The following ACOX2 variants were observed in gnomAD, a reference collection of about 807,000 sequenced individuals.
ACOX2 encodes acyl-CoA oxidase 2.
In ACOX2, 59 loss-of-function variants were observed where a neutral mutation model predicts 77.5. The observed-to-expected ratio is 0.76, with a 90% CI of 0.62 to 0.95. The LOEUF is 0.95. ACOX2 is among the 40% of genes least tolerant of loss of function. ACOX2 has a pLI of 0.00. For synonymous variants in ACOX2, 317 were observed against 340.1 expected (o/e 0.93, Z 0.75); for missense variants, 837 against 880.4 (o/e 0.95, Z 0.62).
chr3:58,524,915 A>G lies in ACOX2; in HGVS notation c.1347-310T>C, dbSNP rs1460708627. On this transcript the variant is annotated intron_variant, in intron 10 of 14. Coordinates refer to ENST00000302819, the MANE Select transcript of ACOX2 (RefSeq NM_003500.4). This position sits in a 1 kb window ranked among gnomAD's most constrained non-coding sequence, Gnocchi z 5.5. The stretch of plus-strand genomic sequence containing the variant: ...AGAACACTGTGATTTTGGGATTTAT[A>G]ATGACTTGTACAGTGACTGGGTGGA... Among the ~76,000 whole-genome samples the G allele has an allele frequency of 6.6e-6, 1 of 152,236 alleles. No homozygotes were observed. The highest frequency in any genetic ancestry group is 2.4e-5 in the African/African-American group (1 of 41,466).
chr3:58,511,117 A>T (rs886679786), intron 13 of ACOX2: 3 of 454,016 alleles, frequency 6.6e-6, no homozygotes, highest in Non-Finnish European at 1.3e-5. Flanking sequence ...TATACATACA[A>T]TGCTTTCTCT....
Position 58,528,989 on chromosome 3 carries a change from C to G in ACOX2, c.993-33G>C. 6.4e-7 allele frequency: 1 copy of G among 1,564,964 alleles called. No individual in the cohort carries two copies. On this transcript the variant is annotated intron_variant, in intron 8 of 14. Transcript: ENST00000302819. This position sits in a 1 kb window ranked among gnomAD's most constrained non-coding sequence, Gnocchi z 5.6. The stretch of plus-strand genomic sequence containing the variant: ...GAAAAGAACCAGAAGATTTAGATCA[C>G]TACCTGTTGTGTCCACCTTCCCCTA...
At chr3:58,510,278 C>G in intron 13 of ACOX2, among the ~76,000 whole-genome samples, 1 of 152,072 alleles carries the variant, frequency 6.6e-6, no homozygotes, top group East Asian at 1.9e-4. Flanking sequence ...CCCCTGCCCC[C>G]TTGTGGTCTC....
intron 14 of ACOX2, among the ~76,000 whole-genome samples, chr3:58,507,680 A>G (rs962529557): frequency 2.0e-5 from 3 of 152,226 alleles, no homozygotes; most frequent in Non-Finnish European, 4.4e-5. Flanking sequence ...GAAATGTTAG[A>G]TCTAATCATT....
chr3:58,516,680 A>C (rs2063323706), intron 13 of ACOX2, among the ~76,000 whole-genome samples: 1 of 152,124 alleles, frequency 6.6e-6, no homozygotes, highest in African/African-American at 2.4e-5. Flanking sequence ...TCTACTAAAA[A>C]TACAAAAATT....
intron 13 of ACOX2, among the ~76,000 whole-genome samples, chr3:58,516,581 T>C (rs145341010): frequency 6.6e-6 from 1 of 152,364 alleles, no homozygotes; most frequent in Non-Finnish European, 1.5e-5. Flanking sequence ...TTCACACCTG[T>C]AATCCCAGCA....
At position 58,530,512 on chromosome 3, in the gene ACOX2, C is replaced by T. The variant is rs112279882; in HGVS notation, c.946G>A (p.Ala316Thr). The T allele has an allele frequency of 1.8e-4, 287 of 1,614,212 alleles. No homozygotes were observed. In the African/African-American group the frequency reaches 3.3e-3, roughly 18 times the overall value. The change falls in exon 8 of 15, where the codon GCC becomes ACC. Residue 316 changes from alanine to threonine, a missense_variant. Physicochemically the swap from Ala to Thr is moderately conservative, Grantham distance 58. Transcript: ENST00000302819. ...CGGCGGATGACCGAGTAGCGCATGG[C>T]GATGACACAGGCCTTCTGCAGTATA... is the stretch of plus-strand genomic sequence containing the variant. ...LPILQKACVIAMRYSVIRRQS... is the reference protein window; with the variant it reads ...LPILQKACVITMRYSVIRRQS...
rs923067797 is a variant in ACOX2 at position 58,523,745 on chromosome 3, A to C, written c.1526+681T>G. On this transcript the variant is annotated intron_variant, in intron 11 of 14. Transcript: ENST00000302819. This position sits in a 1 kb window ranked among gnomAD's most constrained non-coding sequence, Gnocchi z 5.3. Reference sequence around the variant, plus strand: ...ATTACTGGTGTCAGCCACCATGCCCAGCCTGTTTTCGGTGTTTTAATTTGG... The same window carrying C: ...ATTACTGGTGTCAGCCACCATGCCCCGCCTGTTTTCGGTGTTTTAATTTGG... 2.0e-5 allele frequency among the ~76,000 whole-genome samples: 3 copies of C among 151,962 alleles called. No individual in the cohort carries two copies. Among genetic ancestry groups the C allele is most frequent in the Admixed American group, 2.0e-4 (3 of 15,258 alleles).
Position 58,525,486 on chromosome 3 carries a change from G to C in ACOX2, c.1347-881C>G, listed in dbSNP as rs1293447821. 6.6e-6 allele frequency among the ~76,000 whole-genome samples: 1 copy of C among 152,184 alleles called. No individual in the cohort carries two copies. Among genetic ancestry groups the C allele is most frequent in the African/African-American group, 2.4e-5 (1 of 41,450 alleles). On this transcript the variant is annotated intron_variant, in intron 10 of 14. Coordinates refer to ENST00000302819, the MANE Select transcript of ACOX2 (RefSeq NM_003500.4). The surrounding 1 kb of genome is among the most constrained non-coding windows in gnomAD (Gnocchi z 5.0). ...TGTGGAGGAAGCTGACTTGGCCATTGCTTGGAGCCTCTGTGTGCAGGCTCT... is the reference window on the plus strand; with the variant it reads ...TGTGGAGGAAGCTGACTTGGCCATTCCTTGGAGCCTCTGTGTGCAGGCTCT...
rs142555166 is a variant in ACOX2, at chr3:58,534,130, G to A, written c.339C>T (p.Asp113=). 5.2e-4 allele frequency: 841 copies of A among 1,614,166 alleles called. 1 individual carries two copies. Among genetic ancestry groups the A allele is most frequent in the Admixed American group, 9.2e-4 (55 of 60,026 alleles). ...AGACTCTGTGTATATTTAAGGCCAC[G>A]TCTCCAGAAAGGGCTCTGTTGGGGA... is the stretch of plus-strand genomic sequence containing the variant. The part of the protein sequence containing the change: ...LGYAYRALSG[D]VALNIHRVFV... The change falls in exon 4 of 15, where the codon GAC becomes GAT. Residue 113 remains aspartate (D), a synonymous_variant. Transcript: ENST00000302819. The surrounding 1 kb of genome is among the most constrained non-coding windows in gnomAD (Gnocchi z 4.8).
chr3:58,526,500 C>A lies in ACOX2; in HGVS notation c.1312G>T (p.Gly438Cys). Residue 438 changes from glycine (G) to cysteine (C), a missense_variant, in exon 10 of 15, where the codon GGT becomes TGT. By Grantham distance (159) the Gly-to-Cys change is radical. Transcript: ENST00000302819. The surrounding 1 kb of genome is among the most constrained non-coding windows in gnomAD (Gnocchi z 4.3). ...TGCAGGTAGAGCACTGTGTTCTCAC[C>A]CTCGTAGGTACAGGAGGCCGACAAT... ...TKLSASCTYE[G>C]ENTVLYLQVA... 6.2e-7 allele frequency: 1 copy of A among 1,614,056 alleles called. No individual in the cohort carries two copies. Among genetic ancestry groups the A allele is most frequent in the Non-Finnish European group, 8.5e-7 (1 of 1,179,962 alleles).
At position 58,508,933 on chromosome 3, in the gene ACOX2, C is replaced by T. The variant is rs1236577423; in HGVS notation, c.1943G>A (p.Arg648His). Residue 648 changes from arginine to histidine, a missense_variant, in exon 14 of 15, where the codon CGC becomes CAC. Coordinates refer to ENST00000302819, the MANE Select transcript of ACOX2 (RefSeq NM_003500.4). ...TGACTTCTGAGCCCACTGGAACAGGCGTTCGTAGACGTTTCCATCATAACA... is the reference window on the plus strand; with the variant it reads ...TGACTTCTGAGCCCACTGGAACAGGTGTTCGTAGACGTTTCCATCATAACA... ...LGCYDGNVYE[R>H]LFQWAQKSPT... 78 of 1,614,164 alleles carry T rather than the reference C, an allele frequency of 4.8e-5. No homozygotes were observed. The highest frequency in any genetic ancestry group is 8.0e-5 in the African/African-American group (6 of 75,052).
In ACOX2 at chr3:58,517,227, A is replaced by T; in HGVS notation, c.1829T>A (p.Leu610Gln). The T allele has an allele frequency of 6.2e-7, 1 of 1,614,022 alleles. No individual in the cohort carries two copies. The highest frequency in any genetic ancestry group is 1.1e-5 in the South Asian group (1 of 91,058). The change falls in exon 13 of 15, where the codon CTG becomes CAG. Residue 610 changes from leucine to glutamine, a missense_variant. Physicochemically the swap from Leu to Gln is moderately radical, Grantham distance 113 (BLOSUM62 -2). Transcript: ENST00000302819. ...TCACCGGATCAGGCGGAGCAGGTCC[A>T]GGTAGGCTGTTCTTGCCATGTCCAC... The part of the protein sequence containing the change: ...AQVDMARTAY[L>Q]DLLRLIRKDA...
intron 13 of ACOX2, chr3:58,511,072 G>A (rs2107988232): frequency 2.2e-6 from 1 of 456,560 alleles, no homozygotes; most frequent in Admixed American, 2.3e-5. Context: ...AGTGGAAGCA[G>A]TAAGAGAATC....
chr3:58,513,411 T>C (rs2063301008), intron 13 of ACOX2, among the ~76,000 whole-genome samples: 1 of 152,214 alleles, frequency 6.6e-6, no homozygotes, highest in Non-Finnish European at 1.5e-5. Flanking sequence ...ATTGGTCCTC[T>C]TACTTTTTAA....
chr3:58,521,147 G>C lies in ACOX2; in HGVS notation c.1632+1349C>G, dbSNP rs1321732146. Among the ~76,000 whole-genome samples, 2 of 152,208 alleles carry C rather than the reference G, an allele frequency of 1.3e-5. No homozygotes were observed. The highest frequency in any genetic ancestry group is 2.9e-5 in the Non-Finnish European group (2 of 68,024). The stretch of plus-strand genomic sequence containing the variant: ...GCTCACCCTCTGTGTTGACAGGACA[G>C]TTAGCACAGCAGGGGGTGCCCCTGC... On this transcript the variant is annotated intron_variant, in intron 12 of 14. Coordinates refer to ENST00000302819, the MANE Select transcript of ACOX2 (RefSeq NM_003500.4). The surrounding 1 kb of genome is among the most constrained non-coding windows in gnomAD (Gnocchi z 4.8).
Position 58,533,399 on chromosome 3 carries a change from C to G in ACOX2, c.583+46G>C. 1 of 1,549,182 alleles carries G rather than the reference C, an allele frequency of 6.5e-7. No individual in the cohort carries two copies. The highest frequency in any genetic ancestry group is 8.9e-7 in the Non-Finnish European group (1 of 1,123,040). On this transcript the variant is annotated intron_variant, in intron 5 of 14. Transcript: ENST00000302819. This position sits in a 1 kb window ranked among gnomAD's most constrained non-coding sequence, Gnocchi z 5.6. Reference sequence around the variant, plus strand: ...CAGTGCTACTCTGCCCTCCAACATTCTTCTACTTGGGGAGAGTTAAGGAAG... The same window carrying G: ...CAGTGCTACTCTGCCCTCCAACATTGTTCTACTTGGGGAGAGTTAAGGAAG...
chr3:58,507,353 C>T (rs1399054572), intron 14 of ACOX2, among the ~76,000 whole-genome samples: 1 of 152,168 alleles, frequency 6.6e-6, no homozygotes, highest in Admixed American at 6.5e-5. Flanking sequence ...AATGTTTTCC[C>T]AAATGTGTTG....
intron 13 of ACOX2, among the ~76,000 whole-genome samples, chr3:58,513,549 T>C (rs1021652651): frequency 6.6e-6 from 1 of 152,182 alleles, no homozygotes; most frequent in Non-Finnish European, 1.5e-5. Flanking sequence ...TTTTTTTAGG[T>C]TCTCTGAATA....
Sources: allele counts gnomAD v4.1 joint callset (sites outside exome capture counted in the v4.1 genomes callset), GRCh38; gene constraint gnomAD v4.1.1; non-coding constraint Gnocchi (gnomAD v3.1); transcripts MANE v1.5; gene names NCBI Gene and HGNC (gene_info 2026-07-23, HGNC 2026-07-21).